Variants in AHNAK observed in about 807,000 individuals in gnomAD.
AHNAK encodes the protein AHNAK nucleoprotein.
Under a neutral mutation model 37.8 loss-of-function variants are expected in AHNAK, and 23 were observed. The ratio of observed to expected loss-of-function variants is 0.61; its 90% confidence interval spans 0.44 to 0.86. The LOEUF (loss-of-function observed/expected upper bound fraction) is 0.86, where lower values mean the gene tolerates loss of function less well. Ranked by LOEUF, AHNAK falls within the 40% of genes least tolerant of loss-of-function variation. AHNAK has a pLI of 0.00. For synonymous variants in AHNAK, 2,481 were observed against 2,636.3 expected, an observed-to-expected ratio of 0.94 and a Z score of 1.80; for missense variants, 7,411 against 7,319.4, an observed-to-expected ratio of 1.01 and a Z score of -0.46.
chr11:62,445,627 G>A (rs1175242577), intron 5 of AHNAK, among the ~76,000 whole-genome samples: 5 of 152,156 alleles, frequency 3.3e-5, no homozygotes, highest in African/African-American at 1.2e-4. Context: ...GCTGAATGGG[G>A]AGGATCACTT....
rs1565224809 is a variant in AHNAK, at chr11:62,519,454, T to C, written c.14963A>G (p.Lys4988Arg). The C allele has an allele frequency of 2.5e-6, 4 of 1,612,182 alleles. No homozygotes were observed. Among genetic ancestry groups the C allele is most frequent in the Non-Finnish European group, 3.4e-6 (4 of 1,179,498 alleles). The change falls in exon 5 of 5, where the codon AAA becomes AGA. Residue 4988 changes from lysine to arginine, a missense_variant. By Grantham distance (26) the Lys-to-Arg change is conservative. Transcript: ENST00000378024. ...PKFGFGAKSP[K>R]ADIKSPSLDV... The stretch of plus-strand genomic sequence containing the variant: ...CAGTGAAGGTGACTTGATGTCAGCT[T>C]TGGGGCTTTTTGCCCCAAATCCAAA...
In AHNAK at chr11:62,526,459, C is replaced by T. The variant is rs747278412; in HGVS notation, c.7958G>A (p.Gly2653Glu). Residue 2653 changes from glycine to glutamate, a missense_variant, in exon 5 of 5, where the codon GGA (glycine) becomes GAA (glutamate). Coordinates refer to ENST00000378024, the MANE Select transcript of AHNAK (RefSeq NM_001620.3). ...CTTCACATCCCCATCTGGGCCCTCT[C>T]CTTTGAAGCCAGGCATGCTGAACTT... ...MPKFSMPGFK[G>E]EGPDGDVKLP... The T allele has an allele frequency of 4.1e-5, 66 of 1,612,120 alleles. No homozygotes were observed. The South Asian group carries it at 7.1e-4, about 17-fold the overall frequency.
chr11:62,473,267 G>A (rs1044694722), intron 5 of AHNAK, among the ~76,000 whole-genome samples: 5 of 149,756 alleles, frequency 3.3e-5, no homozygotes, highest in African/African-American at 1.2e-4. Flanking sequence ...CATGGTGGCG[G>A]GCACCTGTAA....
Position 62,524,735 on chromosome 11 carries a change from G to T in AHNAK, c.9682C>A (p.Leu3228Ile). The T allele has an allele frequency of 6.2e-7, 1 of 1,614,178 alleles. No homozygotes were observed. Among genetic ancestry groups the T allele is most frequent in the Non-Finnish European group, 8.5e-7 (1 of 1,180,034 alleles). Residue 3228 changes from leucine to isoleucine, a missense_variant, in exon 5 of 5, where the codon CTT (leucine) becomes ATT (isoleucine). Transcript: ENST00000378024. ...TCTCCTTTCATTTTAGGGCCTTTAA[G>T]ATTGAGGTCCAAATCAGGCATTGAT... Reference protein sequence around the residue: ...KISMPDLDLNLKGPKMKGEVD... With the variant: ...KISMPDLDLNIKGPKMKGEVD...
chr11:62,499,137 C>T (rs779988497), intron 4 of AHNAK, among the ~76,000 whole-genome samples: 4 of 152,182 alleles, frequency 2.6e-5, no homozygotes, highest in South Asian at 2.1e-4. Flanking sequence ...AGGGGCATGA[C>T]GTAGATGAAC....
chr11:62,545,175 T>C (rs1488293702), intron 1 of AHNAK, among the ~76,000 whole-genome samples: 1 of 151,866 alleles, frequency 6.6e-6, no homozygotes, highest in Non-Finnish European at 1.5e-5. Context: ...GACCGCACGC[T>C]CCCTGGGAGC....
chr11:62,519,635 G>C lies in AHNAK; in HGVS notation c.14782C>G (p.Pro4928Ala), dbSNP rs140363085. Residue 4928 changes from proline to alanine, a missense_variant, in exon 5 of 5, where the codon CCA becomes GCA. Physicochemically the swap from Pro to Ala is conservative, Grantham distance 27 (BLOSUM62 -1). Coordinates refer to ENST00000378024, the MANE Select transcript of AHNAK (RefSeq NM_001620.3). Reference protein sequence around the residue: ...APDVDLHLKAPKIGFSGPKLE... With the variant: ...APDVDLHLKAAKIGFSGPKLE... ...TTCGGACCTGAAAATCCAATTTTTGGTGCCTTGAGATGCAAATCAACATCA... is the reference window on the plus strand; with the variant it reads ...TTCGGACCTGAAAATCCAATTTTTGCTGCCTTGAGATGCAAATCAACATCA... The C allele has an allele frequency of 6.2e-4, 1,002 of 1,613,470 alleles. No homozygotes were observed. Among genetic ancestry groups the C allele is most frequent in the South Asian group, 1.3e-3 (119 of 90,900 alleles).
chr11:62,536,383 C>A (rs1017464756), intron 2 of AHNAK, 86 bp downstream of exon 2: 1 of 335,542 alleles, frequency 3.0e-6, no homozygotes, highest in Non-Finnish European at 5.4e-6. Context: ...CCCTGTCCCC[C>A]ACGGCCCCAG....
chr11:62,516,074 AAC>A lies in AHNAK; in HGVS notation c.*668_*669del, dbSNP rs1388939385. On this transcript the variant is annotated 3_prime_UTR_variant, in exon 5 of 5. Transcript: ENST00000378024. ...CATGAAGGAAACAGTTCCCTTACAA[AAC>A]ACAGAAAATGGAAGCCCCTCATGTT... 3 of 1,218,794 alleles carry A rather than the reference AAC, an allele frequency of 2.5e-6. No individual in the cohort carries two copies. The highest frequency in any genetic ancestry group is 1.6e-5 in the African/African-American group (1 of 63,346). 75.5% of individuals were successfully genotyped at this position (1,218,794 alleles called of 1,614,324 possible). A position where few individuals can be genotyped will look rare whatever the true frequency, so the allele number is the denominator to read the frequency against.
In AHNAK at chr11:62,517,572, C is replaced by G. The variant is rs750220866; in HGVS notation, c.16845G>C (p.Gly5615=). The G allele has an allele frequency of 8.1e-6, 13 of 1,613,998 alleles. No individual in the cohort carries two copies. Among genetic ancestry groups the G allele is most frequent in the African/African-American group, 1.3e-5 (1 of 74,900 alleles). Reference sequence around the variant, plus strand: ...CCTTTGGTCCTGAGAAATGAAGGCCCCCAGCAAACTTAGATGTGTCCAAGT... The same window carrying G: ...CCTTTGGTCCTGAGAAATGAAGGCCGCCAGCAAACTTAGATGTGTCCAAGT... The part of the protein sequence containing the change: ...ALNLDTSKFA[G]GLHFSGPKVE... Residue 5615 remains glycine, a synonymous_variant, in exon 5 of 5, where the codon GGG becomes GGC. Coordinates refer to ENST00000378024, the MANE Select transcript of AHNAK (RefSeq NM_001620.3).
At chr11:62,483,137 G>A (rs879104355) in intron 5 of AHNAK, among the ~76,000 whole-genome samples, 4 of 152,258 alleles carry the variant, frequency 2.6e-5, no homozygotes, top group Admixed American at 2.0e-4. Context: ...AACAGCAGCC[G>A]AGTGACAGAA....
At chr11:62,498,618 A>AT (rs1021844101) in intron 4 of AHNAK, among the ~76,000 whole-genome samples, 4 of 150,200 alleles carry the variant, frequency 2.7e-5, no homozygotes, top group Admixed American at 6.6e-5. Context: ...AAAAAAAGAA[A>AT]TTTTTTTTTA....
rs775229251 is a variant in AHNAK, at chr11:62,522,193, C to T, written c.12224G>A (p.Gly4075Glu). 2.5e-6 allele frequency: 4 copies of T among 1,613,470 alleles called. No homozygotes were observed. The African/African-American group carries it at 4.0e-5, about 16-fold the overall frequency. Reference protein sequence around the residue: ...MPKFSMPGFKGEGPEVDVNLP... With the variant: ...MPKFSMPGFKEEGPEVDVNLP... ...ATTAACATCCACTTCTGGGCCCTCTCCTTTAAATCCTGGCATGCTGAATTT... is the reference window on the plus strand; with the variant it reads ...ATTAACATCCACTTCTGGGCCCTCTTCTTTAAATCCTGGCATGCTGAATTT... Residue 4075 changes from glycine (G) to glutamate (E), a missense_variant, in exon 5 of 5, where the codon GGA becomes GAA. Transcript: ENST00000378024.
At chr11:62,510,809 GCAAA>G (rs1250136214) in intron 4 of AHNAK, among the ~76,000 whole-genome samples, 1 of 150,824 alleles carries the variant, frequency 6.6e-6, no homozygotes, top group South Asian at 2.1e-4. Flanking sequence ...AGAGATTAAA[GCAAA>G]CAAAGTAAAT....
chr11:62,461,224 C>A (rs1292726389), intron 5 of AHNAK, among the ~76,000 whole-genome samples: 2 of 144,148 alleles, frequency 1.4e-5, no homozygotes, highest in East Asian at 4.2e-4. Context: ...CAGCTCACTG[C>A]AACCTCCACC....
rs183065189 is a variant in AHNAK, at chr11:62,455,646, G to A, written c.443-21755C>T. Among the ~76,000 whole-genome samples the A allele has an allele frequency of 2.8e-4, 41 of 148,902 alleles. 2 individuals are homozygous for A. Among genetic ancestry groups the A allele is most frequent in the East Asian group, 1.2e-3 (6 of 4,870 alleles). ...CTTGAACCTGGGAGGTGGAAGTTGC[G>A]GTGAGCTGAGATGGCGCCATTGCAC... On this transcript the variant is annotated intron_variant, in intron 5 of 5. Coordinates refer to the AHNAK transcript ENST00000257247.
chr11:62,523,179 C>T lies in AHNAK; in HGVS notation c.11238G>A (p.Ser3746=), dbSNP rs749607743. The T allele has an allele frequency of 1.8e-5, 29 of 1,613,138 alleles. No individual in the cohort carries two copies. The highest frequency in any genetic ancestry group is 8.9e-5 in the East Asian group (4 of 44,852). Residue 3746 remains serine, a synonymous_variant, in exon 5 of 5, where the codon TCG becomes TCA. Transcript: ENST00000378024. ...PEMHLKAPKI[S]MPDIDLNLKG... is the part of the protein sequence containing the mutation. ...TCAGGTTTAAATCAATGTCAGGCAT[C>T]GATATTTTGGGAGCCTTCAGGTGCA...
In AHNAK at chr11:62,526,154, C is replaced by T. The variant is rs1259151502; in HGVS notation, c.8263G>A (p.Val2755Ile). 3 of 1,613,490 alleles carry T rather than the reference C, an allele frequency of 1.9e-6. No homozygotes were observed. Among genetic ancestry groups the T allele is most frequent in the East Asian group, 2.2e-5 (1 of 44,842 alleles). Reference sequence around the variant, plus strand: ...TGCCAGTCTGGGCCATGAACATCAACATCAGGTGCGTCAATGTCCACTTTT... The same window carrying T: ...TGCCAGTCTGGGCCATGAACATCAATATCAGGTGCGTCAATGTCCACTTTT... Reference protein sequence around the residue: ...GPKVDIDAPDVDVHGPDWHLK... With the variant: ...GPKVDIDAPDIDVHGPDWHLK... The change falls in exon 5 of 5, where the codon GTT becomes ATT. Residue 2755 changes from valine (V) to isoleucine (I), a missense_variant. Val to Ile is a conservative substitution (Grantham distance 29). Transcript: ENST00000378024.
At chr11:62,515,290 G>T (rs574451955), downstream of AHNAK, among the ~76,000 whole-genome samples, 5 of 152,310 alleles carry the variant, frequency 3.3e-5, no homozygotes, top group Admixed American at 6.5e-5. Flanking sequence ...AGGCCAAGGC[G>T]GGTGGATCAC....
Sources: allele counts gnomAD v4.1 joint callset (sites outside exome capture counted in the v4.1 genomes callset), GRCh38; gene constraint gnomAD v4.1.1; transcripts MANE v1.5; gene names NCBI Gene and HGNC (gene_info 2026-07-23, HGNC 2026-07-21).